Variants in ARHGEF3 observed in about 807,000 individuals in gnomAD.
ARHGEF3 encodes the protein 59.8 kDA protein.
Under a neutral mutation model 63.2 loss-of-function variants are expected in ARHGEF3, and 28 were observed. The observed-to-expected ratio is 0.44, with a 90% CI of 0.33 to 0.61. The LOEUF (loss-of-function observed/expected upper bound fraction) is 0.61, where lower values mean the gene tolerates loss of function less well. Ranked by LOEUF, ARHGEF3 falls within the 20% of genes least tolerant of loss-of-function variation. ARHGEF3 has a pLI of 0.03. For synonymous variants in ARHGEF3, 266 were observed against 254.2 expected, an observed-to-expected ratio of 1.05 and a Z score of -0.44; for missense variants, 533 against 659.3, an observed-to-expected ratio of 0.81 and a Z score of 2.10.
At chr3:57,073,979 T>C (rs1221500378) in intron 1 of ARHGEF3, 1 of 1,614,122 alleles carries the variant, frequency 6.2e-7, no homozygotes, top group Non-Finnish European at 8.5e-7. Context: ...TTGACATCGC[T>C]GTATCCCAAA....
intron 1 of ARHGEF3, among the ~76,000 whole-genome samples, chr3:56,786,758 G>A (rs2036840525): frequency 6.6e-6 from 1 of 152,138 alleles, no homozygotes; most frequent in African/African-American, 2.4e-5. Flanking sequence ...AGAAGGCAAG[G>A]AGCTCAGAGA....
intron 4 of ARHGEF3, among the ~76,000 whole-genome samples, chr3:56,829,078 A>G (rs1251161349): frequency 6.6e-6 from 1 of 151,996 alleles, no homozygotes; most frequent in Non-Finnish European, 1.5e-5. Context: ...GGTGCATGCC[A>G]CCATGCCTGG....
intron 2 of ARHGEF3, among the ~76,000 whole-genome samples, chr3:56,984,868 C>A (rs772608630): frequency 3.9e-5 from 6 of 152,138 alleles, no homozygotes; most frequent in Non-Finnish European, 7.4e-5. Flanking sequence ...AGAAAAGGAT[C>A]CTTCCAGGAT....
chr3:57,002,928 C>T (rs1462644204), intron 2 of ARHGEF3, among the ~76,000 whole-genome samples: 1 of 151,462 alleles, frequency 6.6e-6, no homozygotes, highest in Admixed American at 6.6e-5. Context: ...CGCACGCCAC[C>T]ACGCCCGGCT....
chr3:56,848,035 T>C (rs13325716), intron 4 of ARHGEF3, among the ~76,000 whole-genome samples: 16,599 of 152,134 alleles, frequency 0.11, 1,051 homozygotes, highest in Non-Finnish European at 0.13. Flanking sequence ...ATAAGCACCA[T>C]GGACTCGGGA....
At chr3:57,033,563 A>G (rs1316669963) in intron 2 of ARHGEF3, among the ~76,000 whole-genome samples, 1 of 152,080 alleles carries the variant, frequency 6.6e-6, no homozygotes, top group East Asian at 1.9e-4. Context: ...GGAAGAAAGG[A>G]AAGAGTGACT....
chr3:56,862,050 A>T (rs904253119), intron 4 of ARHGEF3, among the ~76,000 whole-genome samples: 2 of 152,166 alleles, frequency 1.3e-5, no homozygotes, highest in Non-Finnish European at 2.9e-5. Flanking sequence ...GCAAAAACAT[A>T]GATGCTAATC....
intron 2 of ARHGEF3, among the ~76,000 whole-genome samples, chr3:57,009,716 G>GGA (rs915247435): frequency 2.6e-5 from 4 of 152,108 alleles, no homozygotes; most frequent in Non-Finnish European, 4.4e-5. Context: ...TAAGAAGATG[G>GGA]GACCTTGTTC....
At chr3:56,979,183 T>C (rs1370383740) in intron 2 of ARHGEF3, among the ~76,000 whole-genome samples, 3 of 152,250 alleles carry the variant, frequency 2.0e-5, no homozygotes, top group East Asian at 3.8e-4. Flanking sequence ...TGAAAATTTC[T>C]ACATATCCAA....
intron 1 of ARHGEF3, among the ~76,000 whole-genome samples, chr3:56,793,652 T>C (rs547230623): frequency 7.4e-4 from 112 of 152,334 alleles, no homozygotes; most frequent in African/African-American, 2.6e-3. Context: ...AGGTATAAAA[T>C]AGCACCTTAT....
At chr3:56,862,544 C>CCA (rs1038416837) in intron 4 of ARHGEF3, among the ~76,000 whole-genome samples, 5 of 152,294 alleles carry the variant, frequency 3.3e-5, no homozygotes, top group African/African-American at 9.6e-5. Context: ...ATCTGGGCCC[C>CCA]CCTCCGCCTG....
Position 57,038,025 on chromosome 3 carries a change from T to C in ARHGEF3, c.-27-2849A>G, listed in dbSNP as rs1704034715. ...ATTGACATGGATTGTTGCATCAAAT[T>C]CTCACACCAGCCCTAGGAGGCAGGG... On this transcript the variant is annotated intron_variant, in intron 1 of 12. Transcript: ENST00000338458. Among the ~76,000 whole-genome samples the C allele has an allele frequency of 2.0e-5, 3 of 152,096 alleles. No individual in the cohort carries two copies. The South Asian group carries it at 6.2e-4, about 32-fold the overall frequency.
intron 2 of ARHGEF3, among the ~76,000 whole-genome samples, chr3:56,973,362 T>A (rs1318626977): frequency 6.6e-6 from 1 of 152,124 alleles, no homozygotes; most frequent in Non-Finnish European, 1.5e-5. Flanking sequence ...TACTGTGGAT[T>A]AAGTACAGAA....
rs577019868 is a variant in ARHGEF3 at position 56,946,883 on chromosome 3, T to C, written c.129+11940A>G. Among the ~76,000 whole-genome samples, 9 of 152,198 alleles carry C rather than the reference T, an allele frequency of 5.9e-5. No individual in the cohort carries two copies. The South Asian group carries it at 1.9e-3, about 32-fold the overall frequency. On this transcript the variant is annotated intron_variant, in intron 3 of 12. Coordinates refer to the ARHGEF3 transcript ENST00000338458. ...TGTTAAGGGCAGCCAGAGAGAAAGG[T>C]CAGGTTACCCACAAAGGGAAGCCCA...
intron 1 of ARHGEF3, among the ~76,000 whole-genome samples, chr3:57,048,223 A>G (rs1303192236): frequency 6.6e-6 from 1 of 152,136 alleles, no homozygotes; most frequent in Non-Finnish European, 1.5e-5. Context: ...CTCTTGTCCA[A>G]GAGACACACA....
intron 4 of ARHGEF3, among the ~76,000 whole-genome samples, chr3:56,874,589 T>C (rs2040527903): frequency 6.6e-6 from 1 of 152,244 alleles, no homozygotes; most frequent in Non-Finnish European, 1.5e-5. Flanking sequence ...CCCTCTTCTA[T>C]ATCAATGCTT....
chr3:57,053,692 TC>T (rs1428466599), intron 1 of ARHGEF3, among the ~76,000 whole-genome samples: 1 of 152,226 alleles, frequency 6.6e-6, no homozygotes, highest in Non-Finnish European at 1.5e-5. Flanking sequence ...GTAACTGCTA[TC>T]TTGACTTCTA....
chr3:57,012,667 T>C (rs1342912596), intron 2 of ARHGEF3, among the ~76,000 whole-genome samples: 1 of 152,234 alleles, frequency 6.6e-6, no homozygotes, highest in East Asian at 1.9e-4. Flanking sequence ...GGTCTCACAG[T>C]TCAGCCAGAA....
chr3:56,795,024 A>G (rs1433855747), intron 1 of ARHGEF3, among the ~76,000 whole-genome samples: 1 of 97,832 alleles, frequency 1.0e-5, no homozygotes, highest in Non-Finnish European at 2.1e-5. Context: ...ACGCTTGGTG[A>G]ATTCTTTGAT....
Sources: gnomAD v4.1 joint callset for allele counts (sites outside exome capture counted in the v4.1 genomes callset) on GRCh38, gnomAD v4.1.1 for gene constraint, MANE v1.5 for transcripts, NCBI Gene and HGNC (gene_info 2026-07-23, HGNC 2026-07-21) for gene names.